The following TNPO3 variants were observed in gnomAD, a reference collection of about 807,000 sequenced individuals.
TNPO3 encodes transportin-3.
A neutral mutation model predicts 122.8 loss-of-function variants in TNPO3; 65 were observed. The ratio of observed to expected loss-of-function variants is 0.53; its 90% CI spans 0.43 to 0.65. The LOEUF (loss-of-function observed/expected upper bound fraction) is 0.65, where lower values mean the gene tolerates loss of function less well. Ranked by LOEUF, TNPO3 falls within the 30% of genes least tolerant of loss-of-function variation. The probability of loss-of-function intolerance (pLI) is 0.00; values close to 1 mark genes in which losing one functional copy is unlikely to be tolerated. For synonymous variants in TNPO3, 372 were observed against 411.2 expected, an observed-to-expected ratio of 0.90 and a Z score of 1.15; for missense variants, 850 against 1,136.7, an observed-to-expected ratio of 0.75 and a Z score of 3.63.
intron 5 of TNPO3, 80 bp from the exon 6 acceptor site, chr7:129,001,314 G>T: frequency 8.6e-7 from 1 of 1,168,012 alleles, no homozygotes; most frequent in Non-Finnish European, 1.2e-6. Flanking sequence ...ACACCCTAGG[G>T]TTCAATCAAC....
intron 1 of TNPO3, among the ~76,000 whole-genome samples, chr7:129,032,779 C>T (rs1267729248): frequency 1.3e-5 from 2 of 152,078 alleles, no homozygotes; most frequent in African/African-American, 2.4e-5. Flanking sequence ...TCAGTACTAC[C>T]CAACATAATC....
chr7:129,046,175 G>A (rs1808016442), intron 1 of TNPO3, among the ~76,000 whole-genome samples: 1 of 115,966 alleles, frequency 8.6e-6, no homozygotes. Flanking sequence ...CAGCCTGAGT[G>A]ACAGAGTGAG....
chr7:128,995,403 T>C (rs146974658), intron 8 of TNPO3, among the ~76,000 whole-genome samples: 9 of 152,340 alleles, frequency 5.9e-5, no homozygotes, highest in South Asian at 2.1e-4. Flanking sequence ...CCCTTAGTAC[T>C]ATTGAGAATT....
chr7:129,040,308 T>C (rs79260940), intron 1 of TNPO3, among the ~76,000 whole-genome samples: 14,421 of 151,500 alleles, frequency 0.095, 758 homozygotes, highest in Non-Finnish European at 0.12. Flanking sequence ...GAAATCTCTA[T>C]ATTAAAAACC....
Position 128,984,309 on chromosome 7 carries a change from A to C in TNPO3, c.1691-50T>G, listed in dbSNP as rs767285807. ...TGAAAAATAAACGCTGAATTGAGGT[A>C]ACTTAACTGGACTACATCATGTGAG... On this transcript the variant is annotated intron_variant, in intron 12 of 22. Transcript: ENST00000265388. 2.2e-5 allele frequency: 30 copies of C among 1,350,010 alleles called. No homozygotes were observed. The African/African-American group carries it at 3.4e-4, about 16-fold the overall frequency. 83.6% of individuals were successfully genotyped at this position (1,350,010 alleles called of 1,614,324 possible). A position where few individuals can be genotyped will look rare whatever the true frequency, so the allele number is the denominator to read the frequency against.
At chr7:128,986,603 T>C in intron 12 of TNPO3, 126 bp downstream of exon 12, 1 of 842,220 alleles carries the variant, frequency 1.2e-6, no homozygotes, top group Non-Finnish European at 1.8e-6. Flanking sequence ...AAAAGCCATC[T>C]TCCTCATCTT....
chr7:128,974,295 T>C (rs540172676), intron 18 of TNPO3, among the ~76,000 whole-genome samples: 1 of 151,078 alleles, frequency 6.6e-6, no homozygotes, highest in African/African-American at 2.4e-5. Context: ...TTTTTCTTTT[T>C]TTTTTTTTTT....
intron 1 of TNPO3, among the ~76,000 whole-genome samples, chr7:129,047,992 G>A (rs1015800948): frequency 6.6e-6 from 1 of 152,184 alleles, no homozygotes; most frequent in Non-Finnish European, 1.5e-5. Flanking sequence ...AGTCTGAGGT[G>A]AGAGAAGTGC....
intron 12 of TNPO3, among the ~76,000 whole-genome samples, chr7:128,985,670 T>C (rs1219395348): frequency 6.6e-6 from 1 of 152,228 alleles, no homozygotes; most frequent in Non-Finnish European, 1.5e-5. Flanking sequence ...GGAGGCCACA[T>C]TGTACTACAG....
intron 4 of TNPO3, among the ~76,000 whole-genome samples, chr7:129,014,045 T>C (rs1265301251): frequency 6.6e-6 from 1 of 152,196 alleles, no homozygotes; most frequent in Non-Finnish European, 1.5e-5. Flanking sequence ...GGATACGTTA[T>C]AGTGTTACAC....
intron 16 of TNPO3, among the ~76,000 whole-genome samples, chr7:128,976,213 C>CA (rs1046465506): frequency 2.6e-5 from 4 of 152,158 alleles, no homozygotes; most frequent in Non-Finnish European, 5.9e-5. Context: ...GGATTATTTG[C>CA]AAAACCCCAG....
At chr7:129,025,298 C>A (rs559270476) in intron 1 of TNPO3, among the ~76,000 whole-genome samples, 2 of 123,010 alleles carry the variant, frequency 1.6e-5, no homozygotes, top group African/African-American at 6.3e-5. Flanking sequence ...TGCAGTGAGC[C>A]GAGATCGTAC....
intron 1 of TNPO3, 54 bp downstream of exon 1, chr7:129,054,597 G>A: frequency 1.0e-5 from 16 of 1,605,480 alleles, no homozygotes; most frequent in Non-Finnish European, 1.4e-5. Flanking sequence ...CCGGAGCCTA[G>A]GTTCCACCCC....
chr7:129,019,980 T>G (rs1804278774), intron 1 of TNPO3, among the ~76,000 whole-genome samples: 1 of 151,134 alleles, frequency 6.6e-6, no homozygotes, highest in Non-Finnish European at 1.5e-5. Flanking sequence ...TGGGTGAGAG[T>G]GAGACCCTAA....
intron 8 of TNPO3, among the ~76,000 whole-genome samples, 187 bp from the exon 9 acceptor site, chr7:128,994,101 C>A (rs182451317): frequency 6.6e-6 from 1 of 152,168 alleles, no homozygotes; most frequent in Non-Finnish European, 1.5e-5. Flanking sequence ...CAAGTCAAGA[C>A]AACCTATTCT....
At chr7:128,984,144 C>T (rs1390582533) in intron 13 of TNPO3, 24 bp downstream of exon 13, 2 of 1,441,196 alleles carry the variant, frequency 1.4e-6, no homozygotes, top group African/African-American at 1.4e-5. Context: ...ATATTTGTTT[C>T]ACACCTTCCT....
chr7:129,051,969 A>C (rs1436128526), intron 1 of TNPO3, among the ~76,000 whole-genome samples: 1 of 152,224 alleles, frequency 6.6e-6, no homozygotes. Context: ...TTTAGTAAAG[A>C]CAAGATCCAG....
Position 129,000,999 on chromosome 7 carries a change from C to T in TNPO3, c.872+60G>A, listed in dbSNP as rs1208181553. On this transcript the variant is annotated intron_variant, in intron 6 of 22. Transcript: ENST00000265388. The stretch of plus-strand genomic sequence containing the variant: ...ATGACAGACGAATAATAAAAAGTGA[C>T]TTAAAAGAATGACCAGACTGTAGGT... The T allele has an allele frequency of 3.9e-6, 6 of 1,555,522 alleles. No individual in the cohort carries two copies. In the Admixed American group the frequency reaches 1.0e-4, roughly 27 times the overall value.
intron 21 of TNPO3, among the ~76,000 whole-genome samples, chr7:128,964,321 G>C (rs1309029835): frequency 2.8e-5 from 4 of 144,954 alleles, no homozygotes; most frequent in African/African-American, 7.8e-5. Flanking sequence ...GTCCCCAAGT[G>C]GCCAAAACAA....
Sources: gnomAD v4.1 joint callset for allele counts (sites outside exome capture counted in the v4.1 genomes callset) on GRCh38, gnomAD v4.1.1 for gene constraint, MANE v1.5 for transcripts, NCBI Gene and HGNC (gene_info 2026-07-23, HGNC 2026-07-21) for gene names.